Variants in RBFOX1 observed in about 807,000 individuals in gnomAD.
The protein encoded by RBFOX1 is RNA binding protein fox-1 homolog 1.
A neutral mutation model predicts 57.7 loss-of-function variants in RBFOX1; 8 were observed. The observed-to-expected ratio is 0.14, with a 90% CI of 0.08 to 0.25. The LOEUF (loss-of-function observed/expected upper bound fraction) is 0.25, where lower values mean the gene tolerates loss of function less well. RBFOX1 is among the 10% of genes least tolerant of loss of function. The probability of loss-of-function intolerance (pLI) is 1.00; values close to 1 mark genes in which losing one functional copy is unlikely to be tolerated. For missense variants in RBFOX1, 611 were observed against 548.5 expected, an observed-to-expected ratio of 1.11 and a Z score of -1.14; for synonymous variants, 326 against 222.4, an observed-to-expected ratio of 1.47 and a Z score of -4.15.
At chr16:7,122,249 C>G (rs2067354954) in intron 4 of RBFOX1, among the ~76,000 whole-genome samples, 1 of 152,038 alleles carries the variant, frequency 6.6e-6, no homozygotes, top group African/African-American at 2.4e-5. Flanking sequence ...GTAAACCACT[C>G]TTGACAAATG....
At chr16:7,230,587 TC>T (rs1405492956) in intron 4 of RBFOX1, among the ~76,000 whole-genome samples, 1 of 152,176 alleles carries the variant, frequency 6.6e-6, no homozygotes. Flanking sequence ...TCGTTTCATT[TC>T]CCAATCACGT....
At chr16:6,151,309 G>A (rs146092234) in intron 1 of RBFOX1, among the ~76,000 whole-genome samples, 2,960 of 151,860 alleles carry the variant, frequency 0.019, 95 homozygotes, top group African/African-American at 0.065. Context: ...TTTTTGAGAC[G>A]GAGTCTCACT....
At chr16:5,406,610 TCA>T (rs1459514705) in intron 1 of RBFOX1, among the ~76,000 whole-genome samples, 3 of 152,118 alleles carry the variant, frequency 2.0e-5, no homozygotes, top group Non-Finnish European at 2.9e-5. Flanking sequence ...GTATATATAT[TCA>T]CACACACGTG....
intron 3 of RBFOX1, among the ~76,000 whole-genome samples, chr16:5,755,965 C>G (rs1010301773): frequency 2.6e-5 from 4 of 152,082 alleles, no homozygotes; most frequent in African/African-American, 9.7e-5. Flanking sequence ...AAGGAGCAGG[C>G]AGACATCACA....
intron 3 of RBFOX1, among the ~76,000 whole-genome samples, chr16:6,894,730 C>G (rs902952304): frequency 1.3e-5 from 2 of 152,160 alleles, no homozygotes; most frequent in Non-Finnish European, 2.9e-5. Flanking sequence ...AAAAAGGTTA[C>G]CAACAGATTG....
intron 3 of RBFOX1, among the ~76,000 whole-genome samples, chr16:6,826,626 T>G (rs2092176969): frequency 6.6e-6 from 1 of 152,110 alleles, no homozygotes; most frequent in African/African-American, 2.4e-5. Flanking sequence ...CATTTTCCTT[T>G]CTTTTTTTTA....
At chr16:6,986,686 T>C (rs956196368) in intron 3 of RBFOX1, among the ~76,000 whole-genome samples, 1 of 152,108 alleles carries the variant, frequency 6.6e-6, no homozygotes, top group African/African-American at 2.4e-5. Flanking sequence ...TCCCCTTCTC[T>C]CTCTCCTTCT....
In RBFOX1 at chr16:7,033,202, C is replaced by T. The variant is rs571462767; in HGVS notation, c.-15-18855C>T. 2.4e-4 allele frequency among the ~76,000 whole-genome samples: 36 copies of T among 152,192 alleles called. No individual in the cohort carries two copies. In the East Asian group the frequency reaches 6.2e-3, roughly 26 times the overall value. ...GATTTTAGGGATTATAGGGAGACCA[C>T]CCGTGCCTTACCTCCTCCTTAAAAG... On this transcript the variant is annotated intron_variant, in intron 3 of 15. Coordinates refer to ENST00000550418, the MANE Select transcript of RBFOX1 (RefSeq NM_018723.4).
intron 4 of RBFOX1, among the ~76,000 whole-genome samples, chr16:7,132,108 C>T (rs1256171941): frequency 6.6e-6 from 1 of 150,428 alleles, no homozygotes; most frequent in Non-Finnish European, 1.5e-5. Context: ...TCTCCTGACT[C>T]AGGCTGGAAT....
At chr16:5,927,709 A>T (rs1046005680) in intron 4 of RBFOX1, among the ~76,000 whole-genome samples, 8 of 152,376 alleles carry the variant, frequency 5.3e-5, no homozygotes, top group African/African-American at 1.9e-4. Flanking sequence ...GTGTCCTGCA[A>T]CGGATGAATG....
intron 5 of RBFOX1, among the ~76,000 whole-genome samples, chr16:7,566,423 T>C (rs1333781444): frequency 6.6e-6 from 1 of 152,176 alleles, no homozygotes; most frequent in Non-Finnish European, 1.5e-5. Flanking sequence ...TCTTAGACTT[T>C]CCAGAGCATT....
At chr16:6,433,682 G>A (rs1004940449) in intron 2 of RBFOX1, among the ~76,000 whole-genome samples, 11 of 151,932 alleles carry the variant, frequency 7.2e-5, no homozygotes, top group Non-Finnish European at 1.3e-4. Flanking sequence ...AGTTTCTTCC[G>A]GAGGCTCCAG....
chr16:5,647,557 G>A (rs1406371304), intron 3 of RBFOX1, among the ~76,000 whole-genome samples: 7 of 152,148 alleles, frequency 4.6e-5, no homozygotes, highest in Non-Finnish European at 4.4e-5. Context: ...TCTCTGTCCC[G>A]TGGAAACCCC....
intron 1 of RBFOX1, among the ~76,000 whole-genome samples, chr16:6,114,189 G>C (rs1326492425): frequency 1.3e-5 from 2 of 152,048 alleles, no homozygotes; most frequent in Non-Finnish European, 2.9e-5. Flanking sequence ...TTCTCTTGTT[G>C]GTTATTTTAC....
intron 4 of RBFOX1, among the ~76,000 whole-genome samples, chr16:7,239,326 C>G (rs1462225421): frequency 2.6e-5 from 4 of 151,946 alleles, no homozygotes; most frequent in Non-Finnish European, 2.9e-5. Context: ...TGGTGAAATC[C>G]CATGTCTACT....
intron 1 of RBFOX1, among the ~76,000 whole-genome samples, chr16:5,267,455 G>A (rs2151113750): frequency 6.6e-6 from 1 of 152,124 alleles, no homozygotes; most frequent in African/African-American, 2.4e-5. Context: ...ACTCCACCAT[G>A]CCTGGCTAAT....
chr16:6,503,552 T>C (rs1451377665), intron 2 of RBFOX1, among the ~76,000 whole-genome samples: 1 of 152,220 alleles, frequency 6.6e-6, no homozygotes, highest in Non-Finnish European at 1.5e-5. Flanking sequence ...TTGACACACA[T>C]ACTTGGTGAT....
chr16:5,579,783 G>T (rs1212571827), intron 2 of RBFOX1, among the ~76,000 whole-genome samples: 2 of 149,918 alleles, frequency 1.3e-5, no homozygotes, highest in African/African-American at 2.5e-5. Flanking sequence ...TCCTTGAGAA[G>T]GAGTCTCGCT....
chr16:5,317,956 A>T (rs745467217), intron 1 of RBFOX1, among the ~76,000 whole-genome samples: 1 of 152,100 alleles, frequency 6.6e-6, no homozygotes, highest in Non-Finnish European at 1.5e-5. Flanking sequence ...GTGTCTGGTA[A>T]CCTCTGTTCT....
Sources: allele counts gnomAD v4.1 joint callset (sites outside exome capture counted in the v4.1 genomes callset), GRCh38; gene constraint gnomAD v4.1.1; transcripts MANE v1.5; gene names NCBI Gene and HGNC (gene_info 2026-07-23, HGNC 2026-07-21).